The following PPP2R3C variants were observed in gnomAD, a reference collection of about 807,000 sequenced individuals.
The protein encoded by PPP2R3C is protein phosphatase 2 regulatory subunit B''gamma.
In PPP2R3C, 47 loss-of-function variants were observed where a neutral mutation model predicts 63.7. That is an observed-to-expected ratio of 0.74 (90% confidence interval 0.58 to 0.94). The LOEUF is 0.94. Among genes scored for constraint, PPP2R3C ranks in the 40% least tolerant of loss-of-function variants. The pLI, the probability that PPP2R3C is intolerant of heterozygous loss-of-function variation, is 0.00. For synonymous variants in PPP2R3C, 180 were observed against 177.4 expected (o/e 1.01, Z -0.12); for missense variants, 421 against 518.4 (o/e 0.81, Z 1.82).
At chr14:35,108,372 C>A in intron 4 of PPP2R3C, 136 bp from the exon 5 acceptor site, 2 of 1,136,250 alleles carry the variant, frequency 1.8e-6, no homozygotes, top group Non-Finnish European at 2.3e-6. Flanking sequence ...AATTCAAAAA[C>A]TTAAAATATT....
intron 11 of PPP2R3C, among the ~76,000 whole-genome samples, chr14:35,090,547 A>G (rs951168393): frequency 2.0e-5 from 3 of 152,066 alleles, no homozygotes; most frequent in Non-Finnish European, 4.4e-5. Context: ...GTTAGGTAAA[A>G]TGGTTACTAA....
intron 10 of PPP2R3C, among the ~76,000 whole-genome samples, chr14:35,094,669 T>C (rs1030288050): frequency 1.3e-5 from 2 of 151,956 alleles, no homozygotes; most frequent in Admixed American, 6.6e-5. Flanking sequence ...CACAGTGATA[T>C]CAATAATGCT....
chr14:35,110,609 G>A lies in PPP2R3C; in HGVS notation c.207C>T (p.Val69=), dbSNP rs2046522184. The change falls in exon 3 of 13, where the codon GTC becomes GTT. Residue 69 remains valine, a synonymous_variant. Transcript: ENST00000261475. ...FYYRLPAEDE[V]LLQKLREESR... ...ATTCCTCTCTTAATTTCTGTAGTAAGACTTCATCTTCAGCAGGCAGCTGAA... is the reference window on the plus strand; with the variant it reads ...ATTCCTCTCTTAATTTCTGTAGTAAAACTTCATCTTCAGCAGGCAGCTGAA... 1 of 1,610,416 alleles carries A rather than the reference G, an allele frequency of 6.2e-7. No individual in the cohort carries two copies.
At chr14:35,112,278 T>G (rs980911435) in intron 2 of PPP2R3C, among the ~76,000 whole-genome samples, 1 of 152,206 alleles carries the variant, frequency 6.6e-6, no homozygotes, top group African/African-American at 2.4e-5. Context: ...CTTTTTTAAA[T>G]TAATAATAGA....
chr14:35,098,127 A>G (rs1253213107), intron 7 of PPP2R3C, among the ~76,000 whole-genome samples: 2 of 151,888 alleles, frequency 1.3e-5, no homozygotes, highest in Non-Finnish European at 2.9e-5. Flanking sequence ...ATAGTAGAGG[A>G]GTTCAAAAAA....
At position 35,109,814 on chromosome 14, in the gene PPP2R3C, C is replaced by T; in HGVS notation, c.404+5G>A. The T allele has an allele frequency of 6.5e-7, 1 of 1,546,378 alleles. No individual in the cohort carries two copies. The highest frequency in any genetic ancestry group is 8.9e-7 in the Non-Finnish European group (1 of 1,122,502). ...ACATTCTTTTGTTAATTATATTATT[C>T]TTACTTGCACTTTGCTCCAGCCTTT... On this transcript the variant is annotated splice_donor_5th_base_variant and intron_variant, in intron 4 of 12. Coordinates refer to ENST00000261475, the MANE Select transcript of PPP2R3C (RefSeq NM_017917.4).
At chr14:35,108,342 G>A in intron 4 of PPP2R3C, 106 bp from the exon 5 acceptor site, 1 of 1,300,624 alleles carries the variant, frequency 7.7e-7, no homozygotes, top group South Asian at 1.7e-5. Flanking sequence ...AAAAATGAAA[G>A]AACAATAGAG....
chr14:35,098,551 G>C (rs558868444), intron 7 of PPP2R3C: 4 of 151,778 alleles, frequency 2.6e-5, no homozygotes, highest in African/African-American at 9.7e-5. Context: ...GTTTTGCCAT[G>C]TTGCCCAGGC....
chr14:35,097,459 G>A (rs1048426484), intron 7 of PPP2R3C, among the ~76,000 whole-genome samples: 11 of 150,900 alleles, frequency 7.3e-5, no homozygotes, highest in African/African-American at 2.7e-4. Context: ...TAAGAGCAGA[G>A]TTTGTTTTGT....
chr14:35,094,079 C>A (rs1276972960), intron 10 of PPP2R3C, among the ~76,000 whole-genome samples: 1 of 152,198 alleles, frequency 6.6e-6, no homozygotes, highest in African/African-American at 2.4e-5. Context: ...CAACCTGATT[C>A]TCAGAATTAA....
At chr14:35,091,880 C>T (rs1341773108) in intron 10 of PPP2R3C, among the ~76,000 whole-genome samples, 1 of 151,664 alleles carries the variant, frequency 6.6e-6, no homozygotes, top group East Asian at 1.9e-4. Flanking sequence ...ACCACTATGC[C>T]CAGCTAATTT....
intron 1 of PPP2R3C, among the ~76,000 whole-genome samples, chr14:35,120,897 C>G (rs974624443): frequency 5.3e-5 from 8 of 151,992 alleles, no homozygotes; most frequent in African/African-American, 1.9e-4. Context: ...AGCAATACTT[C>G]ACTGCGCCGC....
At chr14:35,108,458 A>G (rs1340080151) in intron 4 of PPP2R3C, among the ~76,000 whole-genome samples, 1 of 151,812 alleles carries the variant, frequency 6.6e-6, no homozygotes, top group Non-Finnish European at 1.5e-5. Flanking sequence ...TAATCCCAGC[A>G]CTTTGGGAGG....
At chr14:35,118,370 G>C (rs1226042078) in intron 1 of PPP2R3C, among the ~76,000 whole-genome samples, 1 of 152,150 alleles carries the variant, frequency 6.6e-6, no homozygotes, top group East Asian at 1.9e-4. Context: ...CCTTCAGCAG[G>C]CAAAAATGGA....
chr14:35,110,524 C>T lies in PPP2R3C; in HGVS notation c.291+1G>A. The T allele has an allele frequency of 6.3e-7, 1 of 1,587,292 alleles. No homozygotes were observed. On this transcript the variant is annotated splice_donor_variant, in intron 3 of 12. Transcript: ENST00000261475. LOFTEE classifies it high-confidence loss of function. ...AAAGCAACTTTTTGCTTTGTTCTTA[C>T]CTGTAATTCTTCATTATCTAACAGT...
intron 1 of PPP2R3C, among the ~76,000 whole-genome samples, chr14:35,121,472 G>T (rs2046889687): frequency 6.6e-6 from 1 of 152,176 alleles, no homozygotes; most frequent in Non-Finnish European, 1.5e-5. Flanking sequence ...AGGAAAGGTA[G>T]ATTTAACGAG....
At chr14:35,107,022 A>AC (rs2046385723) in intron 6 of PPP2R3C, among the ~76,000 whole-genome samples, 1 of 152,144 alleles carries the variant, frequency 6.6e-6, no homozygotes, top group Non-Finnish European at 1.5e-5. Context: ...GAATCAGTAG[A>AC]ACCTGTAGGA....
At chr14:35,120,121 G>A (rs571596117) in intron 1 of PPP2R3C, among the ~76,000 whole-genome samples, 1 of 151,968 alleles carries the variant, frequency 6.6e-6, no homozygotes, top group East Asian at 1.9e-4. Context: ...TTACAGGCTT[G>A]AGCCACCGCG....
At position 35,099,272 on chromosome 14, in the gene PPP2R3C, A is replaced by G; in HGVS notation, c.686T>C (p.Phe229Ser). 1 of 1,590,780 alleles carries G rather than the reference A, an allele frequency of 6.3e-7. No individual in the cohort carries two copies. The highest frequency in any genetic ancestry group is 1.2e-5 in the South Asian group (1 of 85,442). ...TTTACCTGTTCTTAAAGGATCTAAA[A>G]AGAAGAAGAACTTCCTAACTGCTGT... ...VCTAVRKFFF[F>S]LDPLRTGKIK... Residue 229 changes from phenylalanine (F) to serine (S), a missense_variant, in exon 7 of 13, where the codon TTT becomes TCT. By Grantham distance (155) the Phe-to-Ser change is radical (BLOSUM62 -2). Around this residue, in one of 3 missense-constraint regions of PPP2R3C, gnomAD observed 231 missense variants for 264.8 expected, o/e 0.87. Transcript: ENST00000261475.
Sources: allele counts gnomAD v4.1 joint callset (sites outside exome capture counted in the v4.1 genomes callset), GRCh38; gene constraint gnomAD v4.1.1; regional missense constraint gnomAD v4.1.1; transcripts MANE v1.5; gene names NCBI Gene and HGNC (gene_info 2026-07-23, HGNC 2026-07-21).